Variants in SLC4A8 observed in about 807,000 individuals in gnomAD.
SLC4A8 encodes electroneutral sodium bicarbonate exchanger 1.
In SLC4A8, 40 loss-of-function variants were observed where a neutral mutation model predicts 125.0. The ratio of observed to expected loss-of-function variants is 0.32; its 90% CI spans 0.25 to 0.42. The LOEUF is 0.42. Among genes scored for constraint, SLC4A8 ranks in the 10% least tolerant of loss-of-function variants. The pLI, the probability that SLC4A8 is intolerant of heterozygous loss-of-function variation, is 1.00. For missense variants in SLC4A8, 863 were observed against 1,355.1 expected, an observed-to-expected ratio of 0.64 and a Z score of 5.70; for synonymous variants, 456 against 476.0, an observed-to-expected ratio of 0.96 and a Z score of 0.55.
Position 51,459,993 on chromosome 12 carries a change from G to A in SLC4A8, c.898G>A (p.Ala300Thr). Residue 300 changes from alanine to threonine, a missense_variant, in exon 8 of 25, where the codon GCC (alanine) becomes ACC (threonine). Around this residue, in one of 6 missense-constraint regions of SLC4A8, gnomAD observed 390 missense variants for 634.4 expected, o/e 0.61. Coordinates refer to ENST00000453097, the MANE Select transcript of SLC4A8 (RefSeq NM_001039960.3). ...GAAAAAAATTCCTACTGGGGCCGAG[G>A]CCTCCAATGTCCTGGTTGGAGAGGT... Reference protein sequence around the residue: ...FMKKIPTGAEASNVLVGEVDI... With the variant: ...FMKKIPTGAETSNVLVGEVDI... 1 of 1,613,428 alleles carries A rather than the reference G, an allele frequency of 6.2e-7. No individual in the cohort carries two copies. Among genetic ancestry groups the A allele is most frequent in the Non-Finnish European group, 8.5e-7 (1 of 1,179,332 alleles).
intron 5 of SLC4A8, among the ~76,000 whole-genome samples, chr12:51,454,412 G>A (rs951869217): frequency 5.5e-5 from 8 of 145,934 alleles, no homozygotes; most frequent in East Asian, 2.0e-4. Context: ...GGGAACCAGC[G>A]TTCAGCATAT....
In SLC4A8 at chr12:51,475,039, C is replaced by T. The variant is rs1281082208; in HGVS notation, c.2011-6C>T. On this transcript the variant is annotated splice_polypyrimidine_tract_variant and splice_region_variant and intron_variant, in intron 15 of 24. Transcript: ENST00000453097. ...CTTTCATCACCCAGAATGCTTATTC[C>T]TCCAGGAATGCCAGGAGATGCATGG... 12 of 1,612,620 alleles carry T rather than the reference C, an allele frequency of 7.4e-6. No homozygotes were observed. The highest frequency in any genetic ancestry group is 1.0e-5 in the Non-Finnish European group (12 of 1,179,338).
rs777841562 is a variant in SLC4A8 at position 51,512,889 on chromosome 12, ATTTAG to A, written c.*5452_*5456del. On this transcript the variant is annotated 3_prime_UTR_variant, in exon 25 of 25. Coordinates refer to ENST00000453097, the MANE Select transcript of SLC4A8 (RefSeq NM_001039960.3). ...TAAACTCAGCATGAAGGAGAAACAA[ATTTAG>A]GAGTGGAAAGCAAGGCAGGTAGTTA... 2.6e-5 allele frequency: 4 copies of A among 152,236 alleles called. No individual in the cohort carries two copies. The highest frequency in any genetic ancestry group is 5.9e-5 in the Non-Finnish European group (4 of 68,038). The allele number at this position is 152,236 out of a possible 1,614,324, so 9.4% of individuals were successfully genotyped here. A position where few individuals can be genotyped will look rare whatever the true frequency, so the allele number is the denominator to read the frequency against.
chr12:51,410,380 A>G (rs1419328708), intron 1 of SLC4A8, among the ~76,000 whole-genome samples: 1 of 151,230 alleles, frequency 6.6e-6, no homozygotes, highest in African/African-American at 2.4e-5. Context: ...ATATATCTCT[A>G]TTTTCCCATC....
rs560813726 is a variant in SLC4A8 at position 51,507,896 on chromosome 12, T to C, written c.*458T>C. Reference sequence around the variant, plus strand: ...GAGGACATCCTCTCTGGCTCTCCAGTGCTCTTAGTGTCTACAGGCTCCTAG... The same window carrying C: ...GAGGACATCCTCTCTGGCTCTCCAGCGCTCTTAGTGTCTACAGGCTCCTAG... On this transcript the variant is annotated 3_prime_UTR_variant, in exon 25 of 25. Transcript: ENST00000453097. 6.5e-6 allele frequency: 1 copy of C among 153,136 alleles called. No homozygotes were observed. Among genetic ancestry groups the C allele is most frequent in the South Asian group, 2.1e-4 (1 of 4,838 alleles). The allele number at this position is 153,136 out of a possible 1,614,324, so 9.5% of individuals were successfully genotyped here.
intron 11 of SLC4A8, chr12:51,466,314 G>A (rs1436566190): frequency 6.6e-6 from 1 of 152,164 alleles, no homozygotes; most frequent in Non-Finnish European, 1.5e-5. Flanking sequence ...GTATATTTCT[G>A]TCCCTTATTG....
At chr12:51,400,761 TATATATATATATATATACATACATAC>T (rs1196665775) in intron 1 of SLC4A8, among the ~76,000 whole-genome samples, 155 of 8,174 alleles carry the variant, frequency 0.019, 14 homozygotes, top group African/African-American at 0.056. Context: ...TATATATATA[TATATATATATATATATACATACATAC>T]ACACACACAC....
At chr12:51,484,586 T>C (rs1474858991) in intron 16 of SLC4A8, among the ~76,000 whole-genome samples, 3 of 152,146 alleles carry the variant, frequency 2.0e-5, no homozygotes, top group Non-Finnish European at 2.9e-5. Flanking sequence ...CTGGAAACCT[T>C]GGGCTTCAAA....
At chr12:51,410,876 C>CTTTTTTTTTTTTTTT (rs58043742) in intron 1 of SLC4A8, among the ~76,000 whole-genome samples, 2 of 117,402 alleles carry the variant, frequency 1.7e-5, no homozygotes, top group Non-Finnish European at 3.5e-5. Flanking sequence ...CTTTTCTTTT[C>CTTTTTTTTTTTTTTT]TTTTTTTTTT....
At chr12:51,397,481 G>C (rs1006972369) in intron 1 of SLC4A8, among the ~76,000 whole-genome samples, 1 of 152,112 alleles carries the variant, frequency 6.6e-6, no homozygotes, top group Admixed American at 6.6e-5. Flanking sequence ...ATAAGAGACA[G>C]GGAGAAGGGT....
intron 9 of SLC4A8, 57 bp downstream of exon 9, chr12:51,461,348 T>C (rs766180180): frequency 9.9e-7 from 1 of 1,009,048 alleles, no homozygotes; most frequent in Admixed American, 1.7e-5. Flanking sequence ...GAATATTTAC[T>C]CTGTGCCAGG....
chr12:51,468,028 A>T (rs544999878), intron 11 of SLC4A8, among the ~76,000 whole-genome samples: 1 of 152,326 alleles, frequency 6.6e-6, no homozygotes, highest in Non-Finnish European at 1.5e-5. Flanking sequence ...GCATTTGGTT[A>T]TTATGTTCCC....
At chr12:51,446,395 C>G (rs1949774465) in intron 2 of SLC4A8, among the ~76,000 whole-genome samples, 1 of 152,164 alleles carries the variant, frequency 6.6e-6, no homozygotes, top group Admixed American at 6.5e-5. Flanking sequence ...TGCTTTATCA[C>G]TTTGGAATTT....
chr12:51,428,002 C>T (rs1266627030), intron 1 of SLC4A8, among the ~76,000 whole-genome samples: 2 of 152,130 alleles, frequency 1.3e-5, no homozygotes, highest in Non-Finnish European at 2.9e-5. Context: ...GGCTCTTGTC[C>T]ACCCTCCCAG....
At chr12:51,425,744 C>T (rs986556720) in intron 1 of SLC4A8, among the ~76,000 whole-genome samples, 3 of 152,202 alleles carry the variant, frequency 2.0e-5, no homozygotes, top group Non-Finnish European at 4.4e-5. Context: ...GTTTGAAATC[C>T]TACCTCTGCC....
At chr12:51,457,823 A>G (rs547621186) in intron 6 of SLC4A8, among the ~76,000 whole-genome samples, 1 of 152,264 alleles carries the variant, frequency 6.6e-6, no homozygotes, top group South Asian at 2.1e-4. Flanking sequence ...CACATTGGGG[A>G]CAATTTGAGA....
intron 1 of SLC4A8, among the ~76,000 whole-genome samples, chr12:51,411,419 C>G (rs960339913): frequency 1.2e-4 from 19 of 152,094 alleles, no homozygotes; most frequent in African/African-American, 4.6e-4. Flanking sequence ...AAAACGCCAT[C>G]TCTACTAAAA....
chr12:51,495,261 C>T (rs1300123054), intron 21 of SLC4A8, 143 bp downstream of exon 21: 2 of 677,740 alleles, frequency 3.0e-6, no homozygotes, highest in South Asian at 2.2e-5. Flanking sequence ...CTATTACCAC[C>T]CTCCAGCTCT....
chr12:51,463,855 G>T, intron 11 of SLC4A8, 141 bp downstream of exon 11: 1 of 596,106 alleles, frequency 1.7e-6, no homozygotes, highest in Non-Finnish European at 3.0e-6. Context: ...TGGAACCACT[G>T]ACTAGAAGTA....
Sources: allele counts gnomAD v4.1 joint callset (sites outside exome capture counted in the v4.1 genomes callset), GRCh38; gene constraint gnomAD v4.1.1; regional missense constraint gnomAD v4.1.1; transcripts MANE v1.5; gene names NCBI Gene and HGNC (gene_info 2026-07-23, HGNC 2026-07-21).